DGKG: variants seen among roughly 807,000 people sequenced by gnomAD.
DGKG encodes DAG kinase gamma.
A neutral mutation model predicts 105.3 loss-of-function variants in DGKG; 78 were observed. That is an observed-to-expected ratio of 0.74 (90% CI 0.62 to 0.89). The LOEUF is 0.89. DGKG is among the 40% of genes least tolerant of loss of function. DGKG has a pLI of 0.00. For missense variants in DGKG, 958 were observed against 1,020.1 expected (o/e 0.94, Z 0.83); for synonymous variants, 346 against 367.1 (o/e 0.94, Z 0.66).
intron 3 of DGKG, among the ~76,000 whole-genome samples, chr3:186,300,908 T>C (rs1261064195): frequency 6.6e-6 from 1 of 152,216 alleles, no homozygotes; most frequent in East Asian, 1.9e-4. Context: ...CTTCAGCAAA[T>C]TGTGAGTGTT....
chr3:186,340,877 T>C (rs1726054921), intron 1 of DGKG, among the ~76,000 whole-genome samples: 1 of 152,198 alleles, frequency 6.6e-6, no homozygotes, highest in Admixed American at 6.5e-5. Flanking sequence ...TTCTCTCCAT[T>C]AAATTCCTTG....
At chr3:186,201,002 T>C (rs1718431682) in intron 21 of DGKG, among the ~76,000 whole-genome samples, 1 of 152,160 alleles carries the variant, frequency 6.6e-6, no homozygotes, top group Non-Finnish European at 1.5e-5. Flanking sequence ...CCCAAATTCA[T>C]TTCCAGGAGT....
chr3:186,311,050 C>T (rs920264592), intron 2 of DGKG, among the ~76,000 whole-genome samples: 2 of 152,204 alleles, frequency 1.3e-5, no homozygotes, highest in Non-Finnish European at 2.9e-5. Flanking sequence ...GAAGCCAGGA[C>T]TCTTCCTCTA....
At chr3:186,223,301 G>T (rs1439395762) in intron 20 of DGKG, among the ~76,000 whole-genome samples, 2 of 151,796 alleles carry the variant, frequency 1.3e-5, no homozygotes, top group Non-Finnish European at 2.9e-5. Context: ...GGGAGAGTGA[G>T]AAGCAGCAGA....
rs542363844 is a variant in DGKG at position 186,163,047 on chromosome 3, G to A, written c.2217-1384C>T. Reference sequence around the variant, plus strand: ...AAGAGACAGGGTGTCACTCTGTTTCGCAGGCTGGAGTACAGTCACATGATT... The same window carrying A: ...AAGAGACAGGGTGTCACTCTGTTTCACAGGCTGGAGTACAGTCACATGATT... On this transcript the variant is annotated intron_variant, in intron 23 of 24. Transcript: ENST00000265022. 5.1e-4 allele frequency among the ~76,000 whole-genome samples: 78 copies of A among 151,860 alleles called. 1 individual carries two copies. The highest frequency in any genetic ancestry group is 1.3e-3 in the African/African-American group (55 of 41,408).
rs182614229 is a variant in DGKG, at chr3:186,214,053, A to G, written c.1827-2168T>C. Among the ~76,000 whole-genome samples the G allele has an allele frequency of 2.1e-3, 318 of 152,316 alleles. 2 individuals carry two copies. Among genetic ancestry groups the G allele is most frequent in the Non-Finnish European group, 3.6e-3 (246 of 68,032 alleles). On this transcript the variant is annotated intron_variant, in intron 20 of 24. Coordinates refer to ENST00000265022, the MANE Select transcript of DGKG (RefSeq NM_001346.3). ...TTTTCAAATATCACTGCTGGCCTGAATCATGACTTTTGAAAGTTATTGCCA... is the reference window on the plus strand; with the variant it reads ...TTTTCAAATATCACTGCTGGCCTGAGTCATGACTTTTGAAAGTTATTGCCA...
chr3:186,212,785 G>A (rs1314465683), intron 20 of DGKG, among the ~76,000 whole-genome samples: 1 of 152,188 alleles, frequency 6.6e-6, no homozygotes, highest in African/African-American at 2.4e-5. Flanking sequence ...GGTTGGCTAA[G>A]AGAAGGGACA....
chr3:186,273,204 G>A (rs916531248), intron 10 of DGKG, among the ~76,000 whole-genome samples: 2 of 152,068 alleles, frequency 1.3e-5, no homozygotes, highest in Admixed American at 6.5e-5. Context: ...AGCATCACGT[G>A]TCTGGGTCAG....
intron 1 of DGKG, among the ~76,000 whole-genome samples, chr3:186,344,133 G>T (rs1037370738): frequency 1.3e-4 from 20 of 152,220 alleles, no homozygotes; most frequent in African/African-American, 4.8e-4. Flanking sequence ...AAACACTGTT[G>T]TTGGGAGTGT....
At chr3:186,315,435 T>C (rs375267686) in intron 2 of DGKG, among the ~76,000 whole-genome samples, 25 of 152,304 alleles carry the variant, frequency 1.6e-4, no homozygotes, top group African/African-American at 5.5e-4. Context: ...TTCTCCATAA[T>C]GTGGTTGTGA....
At chr3:186,206,026 A>G (rs1358225296) in intron 21 of DGKG, among the ~76,000 whole-genome samples, 1 of 152,162 alleles carries the variant, frequency 6.6e-6, no homozygotes, top group Admixed American at 6.5e-5. Flanking sequence ...CAAAGTTTAT[A>G]TTAGTTCATA....
rs902866464 is a variant in DGKG at position 186,337,405 on chromosome 3, A to T, written c.-248-16698T>A. Among the ~76,000 whole-genome samples, 9 of 151,834 alleles carry T rather than the reference A, an allele frequency of 5.9e-5. 1 individual carries two copies. The highest frequency in any genetic ancestry group is 3.9e-4 in the Admixed American group (6 of 15,276). On this transcript the variant is annotated intron_variant, in intron 1 of 24. Coordinates refer to ENST00000265022, the MANE Select transcript of DGKG (RefSeq NM_001346.3). Reference sequence around the variant, plus strand: ...ACAAAATTCAACACTGAAATATAATAAAAAAACAAACAAAAAAACAAACAA... The same window carrying T: ...ACAAAATTCAACACTGAAATATAATTAAAAAACAAACAAAAAAACAAACAA...
chr3:186,276,239 A>G (rs979808091), intron 9 of DGKG, among the ~76,000 whole-genome samples: 1 of 152,226 alleles, frequency 6.6e-6, no homozygotes, highest in African/African-American at 2.4e-5. Context: ...GTGGCAATCA[A>G]AAAGATATTT....
At chr3:186,223,491 T>C (rs1203365617) in intron 20 of DGKG, among the ~76,000 whole-genome samples, 1 of 152,134 alleles carries the variant, frequency 6.6e-6, no homozygotes, top group African/African-American at 2.4e-5. Context: ...TCCCTCCTTG[T>C]TTCCCTTACC....
intron 13 of DGKG, among the ~76,000 whole-genome samples, chr3:186,266,338 C>T (rs761583428): frequency 1.2e-4 from 19 of 152,180 alleles, no homozygotes; most frequent in Non-Finnish European, 2.5e-4. Context: ...TGTAGTTTCC[C>T]ATTCTATGAA....
At chr3:186,163,402 C>G (rs930711093) in intron 23 of DGKG, among the ~76,000 whole-genome samples, 1 of 152,132 alleles carries the variant, frequency 6.6e-6, no homozygotes, top group Non-Finnish European at 1.5e-5. Context: ...AAGGCAGGCT[C>G]TTTTGGAGGC....
At chr3:186,272,507 T>C (rs530023548) in intron 10 of DGKG, among the ~76,000 whole-genome samples, 164 bp from the exon 11 acceptor site, 5 of 152,290 alleles carry the variant, frequency 3.3e-5, no homozygotes, top group Admixed American at 6.5e-5. Context: ...AAACAGTCTC[T>C]AATTGTTCTT....
intron 20 of DGKG, among the ~76,000 whole-genome samples, chr3:186,219,820 T>C (rs1719476137): frequency 6.6e-6 from 1 of 152,198 alleles, no homozygotes; most frequent in African/African-American, 2.4e-5. Context: ...ATCCTCTTAA[T>C]AACCTCTGAA....
intron 1 of DGKG, among the ~76,000 whole-genome samples, chr3:186,342,114 T>C (rs1374147208): frequency 6.6e-6 from 1 of 152,154 alleles, no homozygotes; most frequent in Non-Finnish European, 1.5e-5. Flanking sequence ...CATGTATACG[T>C]ATGTAACTAA....
Sources: allele counts gnomAD v4.1 joint callset (sites outside exome capture counted in the v4.1 genomes callset), GRCh38; gene constraint gnomAD v4.1.1; transcripts MANE v1.5; gene names NCBI Gene and HGNC (gene_info 2026-07-23, HGNC 2026-07-21).